Variants in APPBP2 observed in about 807,000 individuals in gnomAD.
The protein encoded by APPBP2 is amyloid protein-binding protein 2.
In APPBP2, 15 loss-of-function variants were observed where a neutral mutation model predicts 76.0. That is an observed-to-expected ratio of 0.20 (90% CI 0.13 to 0.30). The LOEUF (loss-of-function observed/expected upper bound fraction) is 0.30, where lower values mean the gene tolerates loss of function less well. Ranked by LOEUF, APPBP2 falls within the 10% of genes least tolerant of loss-of-function variation. The pLI is 1.00. For synonymous variants in APPBP2, 222 were observed against 242.2 expected, an observed-to-expected ratio of 0.92 and a Z score of 0.77; for missense variants, 401 against 687.2, an observed-to-expected ratio of 0.58 and a Z score of 4.66.
intron 3 of APPBP2, among the ~76,000 whole-genome samples, chr17:60,490,240 A>C (rs1335636634): frequency 6.6e-6 from 1 of 152,174 alleles, no homozygotes; most frequent in African/African-American, 2.4e-5. Context: ...TAATGGTATA[A>C]CACCAGTGTC....
chr17:60,483,596 T>C (rs1223048047), intron 3 of APPBP2, among the ~76,000 whole-genome samples: 1 of 152,100 alleles, frequency 6.6e-6, no homozygotes, highest in Non-Finnish European at 1.5e-5. Flanking sequence ...GGTTTCACCA[T>C]GTTAGCCAGG....
chr17:60,462,990 T>G (rs2090487256), intron 6 of APPBP2, among the ~76,000 whole-genome samples: 1 of 151,720 alleles, frequency 6.6e-6, no homozygotes, highest in African/African-American at 2.4e-5. Flanking sequence ...AATATAAATC[T>G]TGCATAAATA....
At chr17:60,457,313 C>T (rs73326429) in intron 9 of APPBP2, among the ~76,000 whole-genome samples, 12,490 of 152,138 alleles carry the variant, frequency 0.082, 1,698 homozygotes, top group African/African-American at 0.28. Context: ...CTCTCCCCCA[C>T]CCTCCAGGTA....
intron 1 of APPBP2, among the ~76,000 whole-genome samples, chr17:60,518,484 A>G (rs1355689654): frequency 7.6e-6 from 1 of 132,422 alleles, no homozygotes; most frequent in African/African-American, 4.2e-5. Context: ...GATTACAGGC[A>G]TGAGCTACCA....
chr17:60,498,340 T>C (rs1004330318), intron 2 of APPBP2, among the ~76,000 whole-genome samples: 1 of 152,120 alleles, frequency 6.6e-6, no homozygotes, highest in African/African-American at 2.4e-5. Flanking sequence ...GGTTGTACAA[T>C]TACTGCCACA....
At chr17:60,513,855 A>G (rs995237092) in intron 1 of APPBP2, among the ~76,000 whole-genome samples, 2 of 129,282 alleles carry the variant, frequency 1.5e-5, no homozygotes, top group African/African-American at 9.4e-5. Context: ...CCATCTCAGA[A>G]AAAAAAAAAG....
chr17:60,455,901 C>T (rs982676321), intron 10 of APPBP2, among the ~76,000 whole-genome samples: 11 of 152,136 alleles, frequency 7.2e-5, no homozygotes, highest in African/African-American at 2.7e-4. Flanking sequence ...CCTCAGCCTC[C>T]CAAGTAGCTG....
At chr17:60,519,161 C>A (rs954354739) in intron 1 of APPBP2, among the ~76,000 whole-genome samples, 1 of 152,168 alleles carries the variant, frequency 6.6e-6, no homozygotes, top group South Asian at 2.1e-4. Context: ...CAGTGTCTCC[C>A]TATGTTGCCC....
chr17:60,504,924 CAG>C (rs368548652), intron 1 of APPBP2, among the ~76,000 whole-genome samples: 28 of 152,246 alleles, frequency 1.8e-4, no homozygotes, highest in African/African-American at 6.0e-4. Context: ...GGAACTTTCT[CAG>C]AGAGTCTTTA....
chr17:60,502,515 T>C lies in APPBP2; in HGVS notation c.139-2028A>G, dbSNP rs1042415323. 2.1e-4 allele frequency among the ~76,000 whole-genome samples: 28 copies of C among 130,522 alleles called. 1 individual carries two copies. The highest frequency in any genetic ancestry group is 2.9e-4 in the Non-Finnish European group (20 of 67,856). 85.6% of individuals were successfully genotyped at this position (130,522 alleles called of 152,430 possible). ...AATCTTAGCTTCTTACCAAAATGAC[T>C]GACTTTTCATTATCAAACTTAAGGC... On this transcript the variant is annotated intron_variant, in intron 1 of 12. Transcript: ENST00000083182.
intron 2 of APPBP2, among the ~76,000 whole-genome samples, chr17:60,499,776 C>A (rs1325396310): frequency 1.3e-5 from 2 of 151,982 alleles, no homozygotes; most frequent in Non-Finnish European, 2.9e-5. Flanking sequence ...CATAGATAAA[C>A]CTTAAAAACA....
At chr17:60,493,180 A>G (rs566655844) in intron 3 of APPBP2, among the ~76,000 whole-genome samples, 5 of 152,284 alleles carry the variant, frequency 3.3e-5, no homozygotes, top group Admixed American at 6.5e-5. Context: ...ATGTGGAACT[A>G]TAAGTCCATT....
chr17:60,462,340 C>A (rs899871077), intron 6 of APPBP2: 5 of 303,264 alleles, frequency 1.6e-5, no homozygotes, highest in Admixed American at 4.7e-5. Flanking sequence ...GCTGGTATAC[C>A]CCCATTTTCC....
At chr17:60,493,009 T>C (rs553707375) in intron 3 of APPBP2, among the ~76,000 whole-genome samples, 93 of 152,310 alleles carry the variant, frequency 6.1e-4, no homozygotes, top group Non-Finnish European at 1.0e-3. Context: ...AACTGAATCA[T>C]AGGGCCGGTT....
At chr17:60,510,674 C>T (rs916053982) in intron 1 of APPBP2, among the ~76,000 whole-genome samples, 1 of 152,062 alleles carries the variant, frequency 6.6e-6, no homozygotes, top group African/African-American at 2.4e-5. Flanking sequence ...CATAATTGCT[C>T]CACTACACCA....
rs2090346181 is a variant in APPBP2 at position 60,446,263 on chromosome 17, C to T, written c.*1318G>A. 6.6e-6 allele frequency: 1 copy of T among 152,546 alleles called. No homozygotes were observed. 9.4% of individuals were successfully genotyped at this position (152,546 alleles called of 1,614,324 possible). ...AAATACCTTTTTGTTTCTTGAATTG[C>T]TACATGTCACAAATTCTTAAATTTG... On this transcript the variant is annotated 3_prime_UTR_variant, in exon 13 of 13. Transcript: ENST00000083182.
At chr17:60,518,358 CGTGTGTGTGTGTGTGTGT>C (rs59428194) in intron 1 of APPBP2, among the ~76,000 whole-genome samples, 19 of 89,098 alleles carry the variant, frequency 2.1e-4, no homozygotes, top group South Asian at 1.6e-3. Flanking sequence ...TGTGTGCGTG[CGTGTGTGTGTGTGTGTGT>C]GTGTGTGTGT....
intron 10 of APPBP2, 136 bp downstream of exon 10, chr17:60,456,160 G>T: frequency 1.6e-6 from 1 of 611,354 alleles, no homozygotes; most frequent in Non-Finnish European, 2.9e-6. Flanking sequence ...TGGTAAAATG[G>T]CTATCTAGTA....
At chr17:60,466,253 C>T (rs372817530) in intron 5 of APPBP2, 38 bp downstream of exon 5, 397 of 1,576,596 alleles carry the variant, frequency 2.5e-4, no homozygotes, top group Non-Finnish European at 3.0e-4. Context: ...TTTATAGGTA[C>T]TTATTGGTCA....
Sources: allele counts gnomAD v4.1 joint callset (sites outside exome capture counted in the v4.1 genomes callset), GRCh38; gene constraint gnomAD v4.1.1; transcripts MANE v1.5; gene names NCBI Gene and HGNC (gene_info 2026-07-23, HGNC 2026-07-21).